Variants in GAB1 observed in about 807,000 individuals in gnomAD.
The protein encoded by GAB1 is GRB2 associated binding protein 1.
A neutral mutation model predicts 66.5 loss-of-function variants in GAB1; 19 were observed. The ratio of observed to expected loss-of-function variants is 0.29; its 90% CI spans 0.20 to 0.42. GAB1 has a LOEUF of 0.42. Ranked by LOEUF, GAB1 falls within the 10% of genes least tolerant of loss-of-function variation. The probability of loss-of-function intolerance (pLI) is 1.00; values close to 1 mark genes in which losing one functional copy is unlikely to be tolerated. For synonymous variants in GAB1, 294 were observed against 301.4 expected (o/e 0.98, Z 0.25); for missense variants, 732 against 858.5 (o/e 0.85, Z 1.84).
At chr4:143,390,100 A>G (rs1048963021) in intron 1 of GAB1, among the ~76,000 whole-genome samples, 1 of 152,226 alleles carries the variant, frequency 6.6e-6, no homozygotes, top group Non-Finnish European at 1.5e-5. Flanking sequence ...CCAGTATTTC[A>G]TAGTGCTGGT....
intron 1 of GAB1, among the ~76,000 whole-genome samples, chr4:143,366,934 CCTT>C (rs1729907302): frequency 1.3e-5 from 2 of 152,074 alleles, no homozygotes; most frequent in Admixed American, 1.3e-4. Context: ...GGGTGCCATT[CCTT>C]CTTTAAGGAC....
chr4:143,359,650 T>C (rs1729586683), intron 1 of GAB1, among the ~76,000 whole-genome samples: 1 of 152,220 alleles, frequency 6.6e-6, no homozygotes, highest in Non-Finnish European at 1.5e-5. Context: ...CTGGTCATTG[T>C]TGAGTATGTC....
intron 1 of GAB1, among the ~76,000 whole-genome samples, chr4:143,337,876 A>C (rs933218664): frequency 6.6e-6 from 1 of 152,160 alleles, no homozygotes; most frequent in Non-Finnish European, 1.5e-5. Context: ...GCGGTTTTGA[A>C]TTGAGGGACT....
chr4:143,350,120 G>C lies in GAB1; in HGVS notation c.72+12860G>C, dbSNP rs974417238. The C allele has an allele frequency of 2.3e-5, 25 of 1,079,394 alleles. No homozygotes were observed. In the African/African-American group the frequency reaches 3.6e-4, roughly 16 times the overall value. The allele number at this position is 1,079,394 out of a possible 1,614,324, so 66.9% of individuals were successfully genotyped here. A position where few individuals can be genotyped will look rare whatever the true frequency, so the allele number is the denominator to read the frequency against. On this transcript the variant is annotated intron_variant, in intron 1 of 9. Transcript: ENST00000262994. Reference sequence around the variant, plus strand: ...GCTGCACCGGCGTCATCCGCCATTTGGTGTTTTCTCGGAAAAGAAGCTGAT... The same window carrying C: ...GCTGCACCGGCGTCATCCGCCATTTCGTGTTTTCTCGGAAAAGAAGCTGAT...
At chr4:143,337,337 G>A (rs1728693104) in intron 1 of GAB1, 77 bp downstream of exon 1, 1 of 1,244,988 alleles carries the variant, frequency 8.0e-7, no homozygotes, top group Non-Finnish European at 1.1e-6. Flanking sequence ...GGCGGCTGCA[G>A]CTGGCCGCGC....
chr4:143,450,075 C>T (rs972823783), intron 6 of GAB1, among the ~76,000 whole-genome samples: 11 of 151,840 alleles, frequency 7.2e-5, no homozygotes, highest in South Asian at 2.1e-4. Context: ...TCAAGCTTTG[C>T]GTTAGATTTG....
chr4:143,350,085 G>A (rs1581215100), intron 1 of GAB1: 1 of 1,425,186 alleles, frequency 7.0e-7, no homozygotes, highest in South Asian at 1.2e-5. Context: ...CAGGGCCTCC[G>A]GGCCCTCCCG....
intron 6 of GAB1, among the ~76,000 whole-genome samples, chr4:143,456,320 G>A (rs1241230960): frequency 6.6e-6 from 1 of 152,116 alleles, no homozygotes; most frequent in East Asian, 1.9e-4. Flanking sequence ...AGCCAGGCGT[G>A]GTGGCGGGCA....
intron 1 of GAB1, among the ~76,000 whole-genome samples, chr4:143,388,446 G>A (rs1373515091): frequency 6.6e-6 from 1 of 152,112 alleles, no homozygotes; most frequent in East Asian, 1.9e-4. Flanking sequence ...ACAGAGTCTC[G>A]CTCTGTCGCC....
rs746614584 is a variant in GAB1 at position 143,438,314 on chromosome 4, A to G, written c.909A>G (p.Val303=). The change falls in exon 4 of 10, where the codon GTA becomes GTG. Residue 303 remains valine, a synonymous_variant. Transcript: ENST00000262994. ...TSSVETQMRH[V]SISYDIPPTP... ...GTGTAGAGACTCAAATGAGGCATGT[A>G]TCTATTAGTTATGACATTCCTCCAA... The G allele has an allele frequency of 3.7e-6, 6 of 1,613,602 alleles. No individual in the cohort carries two copies. The African/African-American group carries it at 5.3e-5, about 14-fold the overall frequency.
At chr4:143,448,907 G>A (rs1013396655) in intron 6 of GAB1, among the ~76,000 whole-genome samples, 2 of 151,626 alleles carry the variant, frequency 1.3e-5, no homozygotes, top group Admixed American at 6.6e-5. Context: ...GATCTTTCCT[G>A]CTTTCTCTTG....
chr4:143,445,412 G>T (rs1191340653), intron 6 of GAB1, among the ~76,000 whole-genome samples: 1 of 152,058 alleles, frequency 6.6e-6, no homozygotes, highest in African/African-American at 2.4e-5. Context: ...ATCAGTTCAT[G>T]TCTTTTACCC....
chr4:143,376,588 C>T (rs1581243380), intron 1 of GAB1, among the ~76,000 whole-genome samples: 1 of 152,274 alleles, frequency 6.6e-6, no homozygotes, highest in Non-Finnish European at 1.5e-5. Flanking sequence ...TGAAAAATAG[C>T]CATCATGATA....
intron 1 of GAB1, among the ~76,000 whole-genome samples, chr4:143,371,042 A>G (rs1730099826): frequency 1.3e-5 from 2 of 152,198 alleles, no homozygotes; most frequent in African/African-American, 4.8e-5. Context: ...AGCATGATTT[A>G]TATTCCTTTG....
In GAB1 at chr4:143,438,443, G is replaced by A. The variant is rs751053363; in HGVS notation, c.1038G>A (p.Pro346=). 1.1e-5 allele frequency: 18 copies of A among 1,613,800 alleles called. No individual in the cohort carries two copies. The South Asian group carries it at 1.2e-4, about 11-fold the overall frequency. The change falls in exon 4 of 10, where the codon CCG becomes CCA. Residue 346 remains proline, a synonymous_variant. Transcript: ENST00000262994. ...CAGATATTCCTCCACCTCGGCCACCGAAACCACATCCAGCTCATGACCGAT... is the reference window on the plus strand; with the variant it reads ...CAGATATTCCTCCACCTCGGCCACCAAAACCACATCCAGCTCATGACCGAT... ...TIPDIPPPRP[P]KPHPAHDRSP...
chr4:143,459,604 G>A, intron 7 of GAB1, 126 bp downstream of exon 7: 1 of 688,744 alleles, frequency 1.5e-6, no homozygotes, highest in Non-Finnish European at 2.6e-6. Context: ...CCTTTTTGGG[G>A]GTTCTGTGAA....
At chr4:143,388,233 A>C (rs995289438) in intron 1 of GAB1, among the ~76,000 whole-genome samples, 3 of 152,076 alleles carry the variant, frequency 2.0e-5, no homozygotes, top group Non-Finnish European at 2.9e-5. Context: ...CTTCTTGCAG[A>C]GAAAGAATCT....
chr4:143,465,266 A>T (rs1735721825), intron 8 of GAB1, among the ~76,000 whole-genome samples: 1 of 151,814 alleles, frequency 6.6e-6, no homozygotes. Flanking sequence ...CCTATTTTTC[A>T]TTTTTCTGCC....
chr4:143,384,744 T>C (rs1035393617), intron 1 of GAB1, among the ~76,000 whole-genome samples: 20 of 152,192 alleles, frequency 1.3e-4, no homozygotes, highest in African/African-American at 4.6e-4. Context: ...GGCAGTTAAC[T>C]TCTAATGGGC....
Sources: gnomAD v4.1 joint callset for allele counts (sites outside exome capture counted in the v4.1 genomes callset) on GRCh38, gnomAD v4.1.1 for gene constraint, MANE v1.5 for transcripts, NCBI Gene and HGNC (gene_info 2026-07-23, HGNC 2026-07-21) for gene names.